Variants in GPHN observed in about 807,000 individuals in gnomAD.
GPHN encodes the protein gephyrin.
Under a neutral mutation model 95.5 loss-of-function variants are expected in GPHN, and 17 were observed. That is an observed-to-expected ratio of 0.18 (90% CI 0.12 to 0.27). GPHN has a LOEUF of 0.27. Ranked by LOEUF, GPHN falls within the 10% of genes least tolerant of loss-of-function variation. The pLI, the probability that GPHN is intolerant of heterozygous loss-of-function variation, is 1.00. For synonymous variants in GPHN, 320 were observed against 322.5 expected, an observed-to-expected ratio of 0.99 and a Z score of 0.08; for missense variants, 660 against 978.1, an observed-to-expected ratio of 0.67 and a Z score of 4.34.
chr14:67,262,639 A>G, the GPHN span, among the ~76,000 whole-genome samples: 1 of 152,150 alleles, frequency 6.6e-6, no homozygotes, highest in African/African-American at 2.4e-5. Flanking sequence ...TGGTTACAGT[A>G]TAGAGTAGAT....
chr14:67,319,315 T>C, the GPHN span, among the ~76,000 whole-genome samples: 1 of 152,200 alleles, frequency 6.6e-6, no homozygotes, highest in African/African-American at 2.4e-5. Context: ...CTACTAGTTA[T>C]CTGCTTTTGT....
At chr14:67,640,525 G>T in the GPHN span, among the ~76,000 whole-genome samples, 1 of 152,158 alleles carries the variant, frequency 6.6e-6, no homozygotes, top group African/African-American at 2.4e-5. Flanking sequence ...TTGAGTTTGG[G>T]TTCAAGAGGT....
At chr14:67,037,777 T>TAA (rs201402556) in intron 10 of GPHN, among the ~76,000 whole-genome samples, 180 of 132,078 alleles carry the variant, frequency 1.4e-3, no homozygotes, top group Middle Eastern at 3.8e-3. Context: ...GGATGACTAC[T>TAA]AAAAAAAAAA....
chr14:66,971,101 G>C (rs540493824), intron 9 of GPHN, among the ~76,000 whole-genome samples: 26 of 152,336 alleles, frequency 1.7e-4, no homozygotes, highest in Admixed American at 3.3e-4. Flanking sequence ...GGCCAAGGCA[G>C]GTGGATCATC....
rs189630377 is a variant in GPHN, at chr14:67,175,581, G to C, written c.2080-3997G>C. Among the ~76,000 whole-genome samples the C allele has an allele frequency of 1.2e-4, 19 of 152,214 alleles. No homozygotes were observed. The East Asian group carries it at 2.9e-3, about 23-fold the overall frequency. On this transcript the variant is annotated intron_variant, in intron 21 of 22. Coordinates refer to ENST00000478722, the MANE Select transcript of GPHN (RefSeq NM_020806.5). ...TGAGGGCTCTTTTTTGGTTCCATAT[G>C]AACTTTAAAGTAGTTTTTTCCAATT... is the stretch of plus-strand genomic sequence containing the variant.
intron 10 of GPHN, among the ~76,000 whole-genome samples, chr14:67,030,050 A>G (rs1441488848): frequency 2.0e-5 from 3 of 148,098 alleles, no homozygotes. Context: ...TCTCTCATAG[A>G]TCTTCCATTC....
At chr14:67,224,021 C>A in the GPHN span, 2 of 969,716 alleles carry the variant, frequency 2.1e-6, no homozygotes, top group South Asian at 9.5e-5. Context: ...AAATTCCTGG[C>A]ATTATTAAGC....
chr14:66,935,502 T>TG (rs769163727), intron 8 of GPHN, among the ~76,000 whole-genome samples: 2 of 71,606 alleles, frequency 2.8e-5, no homozygotes, highest in African/African-American at 6.0e-4. Context: ...TATGTGTGTG[T>TG]TTTTATATAT....
chr14:66,645,260 T>C (rs2064669892), intron 1 of GPHN, among the ~76,000 whole-genome samples: 2 of 152,194 alleles, frequency 1.3e-5, no homozygotes, highest in African/African-American at 4.8e-5. Context: ...AAAAGAATGT[T>C]GGTATGAATT....
the GPHN span, chr14:67,301,343 T>C: frequency 7.4e-7 from 1 of 1,349,042 alleles, no homozygotes; most frequent in Non-Finnish European, 1.0e-6. Flanking sequence ...GTGCTACTGA[T>C]ACTTCCTATA....
chr14:67,532,529 C>G, the GPHN span, among the ~76,000 whole-genome samples: 2 of 152,246 alleles, frequency 1.3e-5, no homozygotes, highest in Non-Finnish European at 2.9e-5. Context: ...CACATGGGCA[C>G]GCTGATGACT....
intron 9 of GPHN, chr14:66,969,633 CTACTAAAAA>C (rs1039290760): frequency 2.0e-5 from 3 of 152,086 alleles, no homozygotes; most frequent in Non-Finnish European, 1.5e-5. Flanking sequence ...AACCCCATCT[CTACTAAAAA>C]TACAAAAAAT....
At chr14:67,298,200 TAA>T in the GPHN span, among the ~76,000 whole-genome samples, 4 of 152,166 alleles carry the variant, frequency 2.6e-5, no homozygotes, top group Non-Finnish European at 5.9e-5. Flanking sequence ...ATTTCTGTTT[TAA>T]AAAGGATATT....
rs575785935 is a variant in GPHN, at chr14:66,533,044, C to T, written c.64+24453C>T. On this transcript the variant is annotated intron_variant, in intron 1 of 22. Transcript: ENST00000478722. ...AAAGGGATGCTGAGTGTGTAGTCGC[C>T]GAATAGTCAGTCCACTTGCCTTCTC... Among the ~76,000 whole-genome samples, 19 of 152,238 alleles carry T rather than the reference C, an allele frequency of 1.2e-4. No individual in the cohort carries two copies. The East Asian group carries it at 2.9e-3, about 23-fold the overall frequency.
the GPHN span, chr14:67,587,467 TAAG>T: frequency 1.8e-6 from 1 of 565,558 alleles, no homozygotes; most frequent in Non-Finnish European, 3.1e-6. Flanking sequence ...CCTTTTTTCA[TAAG>T]AATAATGACT....
chr14:67,734,977 T>G, the GPHN span, among the ~76,000 whole-genome samples: 1 of 152,214 alleles, frequency 6.6e-6, no homozygotes, highest in East Asian at 1.9e-4. Context: ...TTTAAAGACA[T>G]TTTGTTAAAT....
intron 2 of GPHN, among the ~76,000 whole-genome samples, chr14:66,742,484 T>C (rs1414454837): frequency 3.9e-5 from 6 of 152,154 alleles, no homozygotes; most frequent in Admixed American, 3.9e-4. Context: ...CCTATATAGC[T>C]CTTGTTATAG....
chr14:67,225,025 T>A, the GPHN span: 1 of 1,176,658 alleles, frequency 8.5e-7, no homozygotes, highest in Non-Finnish European at 1.2e-6. Context: ...CTGTGCCTTT[T>A]TTTTCCTCCT....
the GPHN span, among the ~76,000 whole-genome samples, chr14:67,359,019 G>C: frequency 2.0e-5 from 3 of 152,212 alleles, no homozygotes. Flanking sequence ...ACAGCGTGAT[G>C]ACCGGTATTA....
Sources: allele counts gnomAD v4.1 joint callset (sites outside exome capture counted in the v4.1 genomes callset), GRCh38; gene constraint gnomAD v4.1.1; transcripts MANE v1.5; gene names NCBI Gene and HGNC (gene_info 2026-07-23, HGNC 2026-07-21).